DNAJB6: variants seen among roughly 807,000 people sequenced by gnomAD.
The protein encoded by DNAJB6 is dnaJ homolog subfamily B member 6.
Under a neutral mutation model 42.7 loss-of-function variants are expected in DNAJB6, and 16 were observed. That is an observed-to-expected ratio of 0.37 (90% CI 0.25 to 0.57). DNAJB6 has a LOEUF of 0.57. Ranked by LOEUF, DNAJB6 falls within the 20% of genes least tolerant of loss-of-function variation. DNAJB6 has a pLI of 0.74. For missense variants in DNAJB6, 347 were observed against 416.8 expected (o/e 0.83, Z 1.46); for synonymous variants, 170 against 163.5 (o/e 1.04, Z -0.30).
chr7:157,390,668 C>T (rs1801297374), intron 8 of DNAJB6, among the ~76,000 whole-genome samples: 1 of 152,176 alleles, frequency 6.6e-6, no homozygotes, highest in Non-Finnish European at 1.5e-5. Flanking sequence ...GTGGTCAGCG[C>T]TGTGCTGCGA....
At chr7:157,385,390 T>G (rs573075174) in intron 7 of DNAJB6, 151 bp from the exon 8 acceptor site, 11 of 785,634 alleles carry the variant, frequency 1.4e-5, no homozygotes, top group East Asian at 2.5e-5. Flanking sequence ...GGAAGATGTG[T>G]TGTTGACAGG....
At chr7:157,367,088 C>G (rs1378364685) in intron 4 of DNAJB6, among the ~76,000 whole-genome samples, 2 of 152,130 alleles carry the variant, frequency 1.3e-5, no homozygotes, top group Non-Finnish European at 2.9e-5. Context: ...CATAACAAAT[C>G]ATAAAAATGG....
At chr7:157,339,746 C>G (rs1447217545) in intron 1 of DNAJB6, 1 of 152,660 alleles carries the variant, frequency 6.6e-6, no homozygotes, top group Non-Finnish European at 1.5e-5. Flanking sequence ...CTGCCTCAGC[C>G]TCCCGAGTAG....
chr7:157,399,383 A>G (rs900359359), intron 8 of DNAJB6, among the ~76,000 whole-genome samples: 2 of 152,208 alleles, frequency 1.3e-5, no homozygotes, highest in African/African-American at 4.8e-5. Flanking sequence ...GCATCAGGAC[A>G]TTTTGGCCAG....
intron 7 of DNAJB6, 25 bp from the exon 8 acceptor site, chr7:157,385,516 T>G (rs775636409): frequency 3.1e-6 from 5 of 1,608,456 alleles, no homozygotes; most frequent in Non-Finnish European, 4.2e-6. Flanking sequence ...CCAGAAAGGT[T>G]TTTAAATGAA....
chr7:157,353,894 G>C (rs1435271904), intron 1 of DNAJB6, among the ~76,000 whole-genome samples: 1 of 152,048 alleles, frequency 6.6e-6, no homozygotes, highest in Non-Finnish European at 1.5e-5. Flanking sequence ...GAACTCCTGG[G>C]CTCAAGCAGT....
chr7:157,363,428 G>T (rs1271647209), intron 3 of DNAJB6, among the ~76,000 whole-genome samples, 158 bp downstream of exon 3: 1 of 152,160 alleles, frequency 6.6e-6, no homozygotes, highest in African/African-American at 2.4e-5. Context: ...TACTTTTCTC[G>T]TGAAGATTTG....
chr7:157,348,186 G>T (rs182156756), intron 1 of DNAJB6, among the ~76,000 whole-genome samples: 3 of 151,716 alleles, frequency 2.0e-5, no homozygotes, highest in Non-Finnish European at 4.4e-5. Context: ...TCTGCCTCCC[G>T]GGTTCAAGCG....
intron 1 of DNAJB6, among the ~76,000 whole-genome samples, chr7:157,355,842 A>C (rs1799245538): frequency 6.6e-6 from 1 of 152,218 alleles, no homozygotes; most frequent in Admixed American, 6.5e-5. Flanking sequence ...TGCTGCACGT[A>C]CATGACAGAG....
Position 157,346,316 on chromosome 7 carries a change from TAAAAAAA to T in DNAJB6, c.-27+9187_-27+9193del, listed in dbSNP as rs60806134. Among the ~76,000 whole-genome samples, 626 of 117,716 alleles carry T rather than the reference TAAAAAAA, an allele frequency of 5.3e-3. 5 individuals carry two copies. Among genetic ancestry groups the T allele is most frequent in the African/African-American group, 0.018 (597 of 33,672 alleles). 77.2% of individuals were successfully genotyped at this position (117,716 alleles called of 152,430 possible). A position where few individuals can be genotyped will look rare whatever the true frequency, so the allele number is the denominator to read the frequency against. On this transcript the variant is annotated intron_variant, in intron 1 of 9. Coordinates refer to ENST00000262177, the MANE Select transcript of DNAJB6 (RefSeq NM_058246.4). ...GGTAGCCCTGCTCTGCAAGGAGTAGTAAAAAAAAAAAAAAAAAAAAAGTTAAAGATAC... is the reference window on the plus strand; with the variant it reads ...GGTAGCCCTGCTCTGCAAGGAGTAGTAAAAAAAAAAAAAAGTTAAAGATAC...
chr7:157,396,793 G>C (rs1801606010), intron 8 of DNAJB6, among the ~76,000 whole-genome samples: 1 of 152,164 alleles, frequency 6.6e-6, no homozygotes, highest in Non-Finnish European at 1.5e-5. Flanking sequence ...GTTCGGGGCA[G>C]GGAGGCCACA....
At chr7:157,403,438 G>A (rs1004284726) in intron 8 of DNAJB6, among the ~76,000 whole-genome samples, 7 of 152,214 alleles carry the variant, frequency 4.6e-5, no homozygotes, top group Non-Finnish European at 8.8e-5. Context: ...ATTTCCTTGT[G>A]CACAAATTGT....
intron 2 of DNAJB6, among the ~76,000 whole-genome samples, 167 bp from the exon 3 acceptor site, chr7:157,362,994 C>G (rs1371041058): frequency 1.3e-5 from 2 of 152,132 alleles, no homozygotes; most frequent in Non-Finnish European, 2.9e-5. Context: ...GATTTTAGAA[C>G]TTTGTGTATT....
intron 9 of DNAJB6, chr7:157,412,451 G>A (rs1319294480): frequency 6.6e-6 from 1 of 152,278 alleles, no homozygotes; most frequent in African/African-American, 2.4e-5. Flanking sequence ...CACGGGTGCA[G>A]ACCCCTTAGC....
intron 1 of DNAJB6, among the ~76,000 whole-genome samples, chr7:157,338,447 C>T (rs947869554): frequency 1.3e-5 from 2 of 152,138 alleles, no homozygotes; most frequent in Admixed American, 6.6e-5. Context: ...GAGTCTCCTG[C>T]CTCAGCCTCC....
chr7:157,375,050 A>G (rs956348509), intron 5 of DNAJB6, among the ~76,000 whole-genome samples: 1 of 152,156 alleles, frequency 6.6e-6, no homozygotes, highest in Non-Finnish European at 1.5e-5. Flanking sequence ...CCAGGGGGAG[A>G]TGTTCTGGGA....
At chr7:157,343,521 T>A (rs1798526790) in intron 1 of DNAJB6, among the ~76,000 whole-genome samples, 1 of 151,832 alleles carries the variant, frequency 6.6e-6, no homozygotes, top group Non-Finnish European at 1.5e-5. Flanking sequence ...CCGGCTGGAG[T>A]GCTGTGGTGT....
intron 6 of DNAJB6, among the ~76,000 whole-genome samples, 189 bp from the exon 7 acceptor site, chr7:157,384,678 A>T (rs888724918): frequency 2.6e-5 from 4 of 152,172 alleles, no homozygotes; most frequent in Non-Finnish European, 5.9e-5. Flanking sequence ...CCACTCAGGG[A>T]TCTGAGAGAC....
chr7:157,372,133 T>A (rs1240019426), intron 5 of DNAJB6: 1 of 152,670 alleles, frequency 6.6e-6, no homozygotes, highest in Non-Finnish European at 1.5e-5. Context: ...TAGTCAGTCA[T>A]TTTACTCTCC....
Sources: allele counts gnomAD v4.1 joint callset (sites outside exome capture counted in the v4.1 genomes callset), GRCh38; gene constraint gnomAD v4.1.1; transcripts MANE v1.5; gene names NCBI Gene and HGNC (gene_info 2026-07-23, HGNC 2026-07-21).